The following EYS variants were observed in gnomAD, a reference collection of about 807,000 sequenced individuals.
The protein encoded by EYS is EGF-like photoreceptor maintenance factor, also known as protein eyes shut homolog.
A neutral mutation model predicts 282.1 loss-of-function variants in EYS; 250 were observed. That is an observed-to-expected ratio of 0.89 (90% CI 0.80 to 0.98). The LOEUF is 0.98. EYS is among the 50% of genes least tolerant of loss of function. The probability of loss-of-function intolerance (pLI) is 0.00; values close to 1 mark genes in which losing one functional copy is unlikely to be tolerated. For synonymous variants in EYS, 1,355 were observed against 1,282.9 expected, an observed-to-expected ratio of 1.06 and a Z score of -1.20; for missense variants, 4,016 against 3,709.0, an observed-to-expected ratio of 1.08 and a Z score of -2.15.
At chr6:64,019,208 T>C (rs766532883) in intron 33 of EYS, among the ~76,000 whole-genome samples, 1 of 152,030 alleles carries the variant, frequency 6.6e-6, no homozygotes, top group Non-Finnish European at 1.5e-5. Context: ...ATGCCCTCAG[T>C]TGGCAGACGC....
chr6:63,929,864 A>C (rs1764834155), intron 35 of EYS, among the ~76,000 whole-genome samples: 1 of 152,212 alleles, frequency 6.6e-6, no homozygotes, highest in South Asian at 2.1e-4. Flanking sequence ...TTTTATGCTA[A>C]GGAAGAGTTT....
At chr6:64,699,768 A>G (rs1770716495) in intron 22 of EYS, among the ~76,000 whole-genome samples, 1 of 152,090 alleles carries the variant, frequency 6.6e-6, no homozygotes, top group Admixed American at 6.6e-5. Flanking sequence ...TCAAATCTAC[A>G]AAGAAAAACT....
intron 35 of EYS, among the ~76,000 whole-genome samples, chr6:63,929,154 T>C (rs1174512957): frequency 1.3e-5 from 2 of 152,210 alleles, no homozygotes; most frequent in African/African-American, 2.4e-5. Context: ...GGAATTTTAA[T>C]GAAAACCAAA....
intron 33 of EYS, among the ~76,000 whole-genome samples, chr6:64,024,421 A>G (rs144379555): frequency 0.011 from 1,614 of 152,140 alleles, 21 homozygotes; most frequent in Non-Finnish European, 0.019. Context: ...GGGATTGTAA[A>G]CGCACCAATC....
intron 12 of EYS, among the ~76,000 whole-genome samples, chr6:65,291,881 A>G (rs1331162356): frequency 6.6e-6 from 1 of 151,636 alleles, no homozygotes; most frequent in African/African-American, 2.4e-5. Context: ...ATGTCAGAAT[A>G]TAGTGCAGAG....
chr6:63,810,462 T>C (rs1441829027), intron 36 of EYS, among the ~76,000 whole-genome samples: 2 of 152,128 alleles, frequency 1.3e-5, no homozygotes, highest in African/African-American at 4.8e-5. Flanking sequence ...TCTGCAGTGA[T>C]GCATCCTGAA....
chr6:64,662,894 C>G (rs1238259160), intron 22 of EYS, among the ~76,000 whole-genome samples: 1 of 87,506 alleles, frequency 1.1e-5, no homozygotes, highest in Non-Finnish European at 2.3e-5. Flanking sequence ...TATACCTCCA[C>G]CCCATTTTTG....
chr6:64,460,018 T>C (rs1160303255), intron 26 of EYS, among the ~76,000 whole-genome samples: 3 of 152,066 alleles, frequency 2.0e-5, no homozygotes, highest in African/African-American at 7.2e-5. Context: ...GACTCTTTCC[T>C]CAATGACTTT....
At chr6:63,966,471 A>C (rs1349300100) in intron 35 of EYS, among the ~76,000 whole-genome samples, 1 of 152,166 alleles carries the variant, frequency 6.6e-6, no homozygotes, top group Admixed American at 6.6e-5. Flanking sequence ...GAGCTTACTC[A>C]TGTGACCAAA....
At chr6:64,453,704 G>C (rs1775451155) in intron 26 of EYS, among the ~76,000 whole-genome samples, 6 of 152,164 alleles carry the variant, frequency 3.9e-5, no homozygotes, top group African/African-American at 1.4e-4. Context: ...CATGTCCTTT[G>C]TAGGAACATG....
At chr6:65,360,731 G>A (rs966015593) in intron 8 of EYS, among the ~76,000 whole-genome samples, 1 of 152,056 alleles carries the variant, frequency 6.6e-6, no homozygotes, top group Non-Finnish European at 1.5e-5. Flanking sequence ...TTAAATTACG[G>A]CATCCTTGCT....
At chr6:65,217,518 G>T (rs1766346603) in intron 12 of EYS, among the ~76,000 whole-genome samples, 1 of 151,964 alleles carries the variant, frequency 6.6e-6, no homozygotes, top group Non-Finnish European at 1.5e-5. Flanking sequence ...CTCATTTTTA[G>T]GGATGATCAA....
At chr6:64,197,587 GT>G (rs1170607632) in intron 31 of EYS, among the ~76,000 whole-genome samples, 3 of 152,062 alleles carry the variant, frequency 2.0e-5, no homozygotes, top group African/African-American at 7.2e-5. Flanking sequence ...GTCAGAAATA[GT>G]TTCCTCAAAT....
intron 13 of EYS, among the ~76,000 whole-genome samples, chr6:65,037,884 A>G (rs1361101577): frequency 1.3e-5 from 2 of 151,666 alleles, no homozygotes; most frequent in African/African-American, 4.8e-5. Flanking sequence ...CCTGTGTATT[A>G]AAAAACATGA....
chr6:65,206,335 C>T (rs2150249102), intron 12 of EYS, among the ~76,000 whole-genome samples: 1 of 151,402 alleles, frequency 6.6e-6, no homozygotes, highest in South Asian at 2.1e-4. Context: ...GAAAATTGAA[C>T]CAAGCAGAAA....
intron 22 of EYS, among the ~76,000 whole-genome samples, chr6:64,760,737 C>G (rs148607043): frequency 4.6e-5 from 7 of 152,250 alleles, no homozygotes; most frequent in African/African-American, 1.4e-4. Flanking sequence ...ATGAGCAGGT[C>G]CAGTGCAAAG....
chr6:64,904,903 T>C (rs534196222), intron 16 of EYS, among the ~76,000 whole-genome samples: 62 of 152,256 alleles, frequency 4.1e-4, no homozygotes, highest in Non-Finnish European at 7.4e-4. Flanking sequence ...GTTGAGGAAA[T>C]GAGATTGCCG....
chr6:64,236,455 G>T (rs950222998), intron 30 of EYS, among the ~76,000 whole-genome samples: 1 of 152,152 alleles, frequency 6.6e-6, no homozygotes, highest in African/African-American at 2.4e-5. Flanking sequence ...GAGTGGAATT[G>T]CTGGATTATA....
intron 12 of EYS, among the ~76,000 whole-genome samples, chr6:65,118,419 C>T (rs1775440466): frequency 6.6e-6 from 1 of 152,110 alleles, no homozygotes; most frequent in Non-Finnish European, 1.5e-5. Context: ...TTAATTATGT[C>T]TGTTTAGATA....
Sources: allele counts gnomAD v4.1 joint callset (sites outside exome capture counted in the v4.1 genomes callset), GRCh38; gene constraint gnomAD v4.1.1; transcripts MANE v1.5; gene names NCBI Gene and HGNC (gene_info 2026-07-23, HGNC 2026-07-21).